PLRG1: variants seen among roughly 807,000 people sequenced by gnomAD.
The protein encoded by PLRG1 is pleiotropic regulator 1 (PRL1 homolog, Arabidopsis).
Under a neutral mutation model 74.9 loss-of-function variants are expected in PLRG1, and 28 were observed. That is an observed-to-expected ratio of 0.37 (90% CI 0.28 to 0.51). The LOEUF (loss-of-function observed/expected upper bound fraction) is 0.51. Among genes scored for constraint, PLRG1 ranks in the 20% least tolerant of loss-of-function variants. The pLI is 0.91. For missense variants in PLRG1, 445 were observed against 631.9 expected (o/e 0.70, Z 3.17); for synonymous variants, 197 against 212.4 (o/e 0.93, Z 0.63).
intron 7 of PLRG1, among the ~76,000 whole-genome samples, chr4:154,543,417 GGGATTATA>G (rs1166461322): frequency 6.6e-6 from 1 of 152,084 alleles, no homozygotes; most frequent in Non-Finnish European, 1.5e-5. Context: ...CCAAAGCACT[GGGATTATA>G]GGCATGAGCC....
intron 12 of PLRG1, 116 bp from the exon 13 acceptor site, chr4:154,538,224 TCAGCA>T: frequency 2.1e-6 from 1 of 473,126 alleles, no homozygotes. Context: ...ATTTATATAT[TCAGCA>T]AAATAGTCGT....
chr4:154,546,096 G>T, intron 5 of PLRG1, 27 bp downstream of exon 5: 1 of 1,351,134 alleles, frequency 7.4e-7, no homozygotes, highest in South Asian at 1.2e-5. Flanking sequence ...ATGCTTTTAA[G>T]ATCTTTGTAA....
At chr4:154,537,659 C>A in intron 13 of PLRG1, 180 bp from the exon 14 acceptor site, 2 of 515,150 alleles carry the variant, frequency 3.9e-6, no homozygotes, top group Admixed American at 3.6e-5. Flanking sequence ...GGGTTCAGAA[C>A]TTATAGATCT....
chr4:154,549,600 T>C (rs1010682446), intron 1 of PLRG1: 2 of 444,224 alleles, frequency 4.5e-6, no homozygotes, highest in African/African-American at 2.0e-5. Context: ...CAACAGCCTA[T>C]ATTTTGTTCT....
intron 12 of PLRG1, 189 bp downstream of exon 12, chr4:154,538,905 AAGGCTTTCCTC>A: frequency 2.0e-6 from 1 of 504,270 alleles, no homozygotes; most frequent in Non-Finnish European, 3.5e-6. Context: ...TATCAAGTAG[AAGGCTTTCCTC>A]ATGTTTTATA....
chr4:154,540,302 C>CT (rs34998675), intron 10 of PLRG1: 3 of 578,840 alleles, frequency 5.2e-6, no homozygotes, highest in Non-Finnish European at 9.1e-6. Context: ...GATGGGACTA[C>CT]TTTTTAAGAC....
Position 154,535,527 on chromosome 4 carries a change from G to A in PLRG1, c.*1158C>T, listed in dbSNP as rs1729430548. Reference sequence around the variant, plus strand: ...GGCATACAAGATGGGTAATGTAATTGGAAGTGCTTGTTCAAAATCATGGTG... The same window carrying A: ...GGCATACAAGATGGGTAATGTAATTAGAAGTGCTTGTTCAAAATCATGGTG... On this transcript the variant is annotated 3_prime_UTR_variant, in exon 15 of 15. Coordinates refer to ENST00000499023, the MANE Select transcript of PLRG1 (RefSeq NM_002669.4). 2 of 150,480 alleles carry A rather than the reference G, an allele frequency of 1.3e-5. No homozygotes were observed. The highest frequency in any genetic ancestry group is 2.1e-4 in the South Asian group (1 of 4,686). The allele number at this position is 150,480 out of a possible 1,614,324, so 9.3% of individuals were successfully genotyped here.
At chr4:154,546,361 CTT>C in intron 4 of PLRG1, 148 bp from the exon 5 acceptor site, 1 of 608,234 alleles carries the variant, frequency 1.6e-6, no homozygotes, top group Non-Finnish European at 3.0e-6. Context: ...TTTTGCTCAT[CTT>C]TGTTTTTAAT....
chr4:154,542,595 A>G (rs1381865233), intron 7 of PLRG1, among the ~76,000 whole-genome samples: 1 of 152,232 alleles, frequency 6.6e-6, no homozygotes, highest in African/African-American at 2.4e-5. Flanking sequence ...GATTCCATTT[A>G]TATGACATAG....
At chr4:154,549,365 T>C (rs1047952376) in intron 1 of PLRG1, among the ~76,000 whole-genome samples, 4 of 152,226 alleles carry the variant, frequency 2.6e-5, no homozygotes, top group Admixed American at 6.5e-5. Flanking sequence ...CTAAGTATAA[T>C]TGTGAAAGAT....
intron 12 of PLRG1, among the ~76,000 whole-genome samples, chr4:154,538,543 C>A (rs1729496496): frequency 1.3e-5 from 2 of 150,530 alleles, no homozygotes; most frequent in Admixed American, 6.6e-5. Context: ...GAAAGATAAG[C>A]AAAGGAAGGA....
chr4:154,541,959 A>G (rs1428251328), intron 8 of PLRG1: 1 of 499,092 alleles, frequency 2.0e-6, no homozygotes, highest in Non-Finnish European at 3.6e-6. Context: ...AGTATAAAGG[A>G]ATTAGTGGTA....
chr4:154,550,179 A>C, intron 1 of PLRG1, 121 bp downstream of exon 1: 1 of 970,010 alleles, frequency 1.0e-6, no homozygotes, highest in Non-Finnish European at 1.7e-6. Flanking sequence ...GCCTTGGCCA[A>C]ATAGCTCCCC....
chr4:154,541,935 G>T, intron 8 of PLRG1: 2 of 423,396 alleles, frequency 4.7e-6, no homozygotes, highest in South Asian at 4.0e-5. Context: ...TAACCAGTTG[G>T]AGAGAACAAT....
chr4:154,549,257 G>A (rs371835581), intron 1 of PLRG1: 8 of 370,446 alleles, frequency 2.2e-5, no homozygotes, highest in African/African-American at 1.5e-4. Flanking sequence ...TGGTCCCTGT[G>A]CTCAAGAGGA....
rs1020602764 is a variant in PLRG1, at chr4:154,535,988, CTTCT to C, written c.*693_*696del. 3 of 152,426 alleles carry C rather than the reference CTTCT, an allele frequency of 2.0e-5. No homozygotes were observed. The highest frequency in any genetic ancestry group is 2.1e-4 in the South Asian group (1 of 4,826). 9.4% of individuals were successfully genotyped at this position (152,426 alleles called of 1,614,324 possible). On this transcript the variant is annotated 3_prime_UTR_variant, in exon 15 of 15. Transcript: ENST00000499023. ...ATCACTTTATGCCTCATCTCTTTTC[CTTCT>C]TTGTCTTCCTTCACTTCAAGGTAAT...
chr4:154,547,676 T>C, intron 3 of PLRG1, 35 bp downstream of exon 3: 1 of 1,586,132 alleles, frequency 6.3e-7, no homozygotes, highest in Non-Finnish European at 8.6e-7. Flanking sequence ...AAAATTCACA[T>C]ATAAGTCTGA....
In PLRG1 at chr4:154,547,836, G is replaced by A; in HGVS notation, c.134C>T (p.Ala45Val). 6.2e-7 allele frequency: 1 copy of A among 1,606,024 alleles called. No individual in the cohort carries two copies. Among genetic ancestry groups the A allele is most frequent in the East Asian group, 2.2e-5 (1 of 44,722 alleles). ...ACCATACTCATTACGAAGCTTGATT[G>A]CCATTTTTCGTTTGTGACTATTTAG... ...LDEESHKRKM[A>V]IKLRNEYGPV... is the part of the protein sequence containing the mutation. Residue 45 changes from alanine (A) to valine (V), a missense_variant, in exon 3 of 15, where the codon GCA (alanine) becomes GTA (valine). By Grantham distance (64) the Ala-to-Val change is moderately conservative. Transcript: ENST00000499023.
chr4:154,540,292 G>A (rs538480261), intron 10 of PLRG1: 7 of 582,342 alleles, frequency 1.2e-5, no homozygotes, highest in South Asian at 6.6e-5. Context: ...GAATGAGTAT[G>A]ATGGGACTAC....
Sources: gnomAD v4.1 joint callset for allele counts (sites outside exome capture counted in the v4.1 genomes callset) on GRCh38, gnomAD v4.1.1 for gene constraint, MANE v1.5 for transcripts, NCBI Gene and HGNC (gene_info 2026-07-23, HGNC 2026-07-21) for gene names.